The following NECAB3 variants were observed in gnomAD, a reference collection of about 807,000 sequenced individuals.
NECAB3 encodes the protein N-terminal EF-hand calcium-binding protein 3.
Under a neutral mutation model 57.2 loss-of-function variants are expected in NECAB3, and 38 were observed. The observed-to-expected ratio is 0.66, with a 90% CI of 0.51 to 0.87. The LOEUF is 0.87. Among genes scored for constraint, NECAB3 ranks in the 40% least tolerant of loss-of-function variants. The probability of loss-of-function intolerance (pLI) is 0.00; values close to 1 mark genes in which losing one functional copy is unlikely to be tolerated. For synonymous variants in NECAB3, 223 were observed against 222.6 expected, an observed-to-expected ratio of 1.00 and a Z score of -0.02; for missense variants, 474 against 527.5, an observed-to-expected ratio of 0.90 and a Z score of 0.99.
intron 5 of NECAB3, chr20:33,669,065 C>A (rs536071531): frequency 2.2e-4 from 79 of 353,896 alleles, no homozygotes; most frequent in Non-Finnish European, 1.8e-4. Flanking sequence ...ACAGCAGCCC[C>A]TAGTATGAAG....
intron 1 of NECAB3, among the ~76,000 whole-genome samples, chr20:33,673,559 G>A (rs929042023): frequency 1.3e-5 from 2 of 152,046 alleles, no homozygotes; most frequent in African/African-American, 2.4e-5. Flanking sequence ...TCCTACTTGG[G>A]AAGAAGGAGG....
rs1177048076 is a variant in NECAB3, at chr20:33,660,276, G to C, written c.507C>G (p.Ala169=). 1.9e-6 allele frequency: 3 copies of C among 1,613,084 alleles called. No individual in the cohort carries two copies. In the Admixed American group the frequency reaches 5.0e-5, roughly 27 times the overall value. Residue 169 remains alanine, a synonymous_variant, in exon 6 of 12, where the codon GCC becomes GCG. Coordinates refer to ENST00000246190, the MANE Select transcript of NECAB3 (RefSeq NM_031232.4). The surrounding 1 kb of genome is among the most constrained non-coding windows in gnomAD (Gnocchi z 4.1). The part of the protein sequence containing the change: ...SLEGASDTLE[A]QAHGWRSDAE... ...TTACATACCGCCAGCCATGGGCCTG[G>C]GCCTCCAGGGTATCTGACGCCCCCT...
intron 5 of NECAB3, chr20:33,664,039 G>A (rs2017581295): frequency 1.7e-6 from 1 of 573,916 alleles, no homozygotes; most frequent in Non-Finnish European, 2.8e-6. Flanking sequence ...CTGGAGCCAG[G>A]GCTGTCTTTT....
In NECAB3 at chr20:33,657,969, C is replaced by A; in HGVS notation, c.1135G>T (p.Asp379Tyr). Reference sequence around the variant, plus strand: ...GGGAAGAACACAGTGGTGAGGGTGTCCGGGGCCCGCAGGTGGTCGATGAGG... The same window carrying A: ...GGGAAGAACACAGTGGTGAGGGTGTACGGGGCCCGCAGGTGGTCGATGAGG... ...RILIDHLRAP[D>Y]TLTTVFFPAS... Residue 379 changes from aspartate to tyrosine, a missense_variant, in exon 11 of 12, where the codon GAC (aspartate) becomes TAC (tyrosine). By Grantham distance (160) the Asp-to-Tyr change is radical (BLOSUM62 -3). Coordinates refer to ENST00000246190, the MANE Select transcript of NECAB3 (RefSeq NM_031232.4). The A allele has an allele frequency of 6.4e-7, 1 of 1,557,458 alleles. No homozygotes were observed.
At chr20:33,667,900 C>A in intron 5 of NECAB3, 1 of 1,579,416 alleles carries the variant, frequency 6.3e-7, no homozygotes, top group African/African-American at 1.3e-5. Context: ...CCTGCTGGGC[C>A]AGGCTGAGCA....
Position 33,657,597 on chromosome 20 carries a change from A to G in NECAB3, c.*232T>C. 2.1e-6 allele frequency: 1 copy of G among 475,324 alleles called. No individual in the cohort carries two copies. 29.4% of individuals were successfully genotyped at this position (475,324 alleles called of 1,614,324 possible). ...ATCCAGGTCTCCTGAGCCAGGCAGA[A>G]GCCAAAGTAGCTTGGAGGCTGAAGT... On this transcript the variant is annotated 3_prime_UTR_variant, in exon 12 of 12. Coordinates refer to ENST00000246190, the MANE Select transcript of NECAB3 (RefSeq NM_031232.4).
At chr20:33,663,265 G>T (rs762174279) in intron 5 of NECAB3, 1 of 539,282 alleles carries the variant, frequency 1.9e-6, no homozygotes, top group Non-Finnish European at 3.3e-6. Context: ...AACTTAGACG[G>T]AGCTGGTCTC....
Position 33,659,748 on chromosome 20 carries a change from G to A in NECAB3, c.644-16C>T, listed in dbSNP as rs754062780. 5.8e-5 allele frequency: 92 copies of A among 1,573,278 alleles called. No homozygotes were observed. The South Asian group carries it at 6.4e-4, about 11-fold the overall frequency. On this transcript the variant is annotated splice_polypyrimidine_tract_variant and intron_variant, in intron 7 of 11. Transcript: ENST00000246190. ...GAGCTGCGCCCTGTGTGTGGGGCCC[G>A]TGCAGGGTCAGGCAGGGGCCTCTCA...
chr20:33,663,748 G>A, intron 5 of NECAB3: 2 of 1,493,884 alleles, frequency 1.3e-6, no homozygotes, highest in Non-Finnish European at 1.8e-6. Context: ...GGCCAGGGCA[G>A]CTCTGAGCTG....
At chr20:33,663,571 C>A (rs1196271932) in intron 5 of NECAB3, 5 of 1,611,262 alleles carry the variant, frequency 3.1e-6, no homozygotes, top group Non-Finnish European at 4.2e-6. Context: ...CAAGCGGCAG[C>A]CGCTGGCCAA....
At chr20:33,666,094 T>TA (rs1362309044) in intron 5 of NECAB3, among the ~76,000 whole-genome samples, 2 of 150,762 alleles carry the variant, frequency 1.3e-5, no homozygotes, top group African/African-American at 2.4e-5. Context: ...ATAATAATAA[T>TA]AAAAAAAAGA....
Position 33,660,600 on chromosome 20 carries a change from A to G in NECAB3, c.388-205T>C, listed in dbSNP as rs923233391. ...GTCCGGGACTGGCCTCCCTCCCCGG[A>G]GGTGTGAGGCCAACTCACAGGGGGC... On this transcript the variant is annotated intron_variant, in intron 5 of 11. Coordinates refer to ENST00000246190, the MANE Select transcript of NECAB3 (RefSeq NM_031232.4). This position sits in a 1 kb window ranked among gnomAD's most constrained non-coding sequence, Gnocchi z 4.1. 7.2e-5 allele frequency among the ~76,000 whole-genome samples: 11 copies of G among 152,042 alleles called. 1 individual carries two copies. Among genetic ancestry groups the G allele is most frequent in the Non-Finnish European group, 1.6e-4 (11 of 67,990 alleles).
chr20:33,663,516 C>T, intron 5 of NECAB3: 1 of 1,605,766 alleles, frequency 6.2e-7, no homozygotes, highest in South Asian at 1.1e-5. Flanking sequence ...GCCTCACGCC[C>T]CTGTTCCACC....
Position 33,659,968 on chromosome 20 carries a change from A to G in NECAB3, c.560T>C (p.Leu187Pro), listed in dbSNP as rs1474861721. The G allele has an allele frequency of 1.3e-6, 2 of 1,563,908 alleles. No homozygotes were observed. Among genetic ancestry groups the G allele is most frequent in the African/African-American group, 1.3e-5 (1 of 74,164 alleles). The change falls in exon 7 of 12, where the codon CTC becomes CCC. Residue 187 changes from leucine (L) to proline (P), a missense_variant. Transcript: ENST00000246190. ...DAESVEAQSR[L>P]CGSRRAGRRA... ...GCGTCCTGCCCGCCGGCTGCCGCAG[A>G]GCCTGCTCTGCGCCTCCACGCTCTC...
intron 5 of NECAB3, chr20:33,666,747 G>C (rs1175739960): frequency 6.6e-6 from 1 of 152,396 alleles, no homozygotes; most frequent in Non-Finnish European, 1.5e-5. Context: ...CGGCGCCAGA[G>C]GGAGACCAAG....
chr20:33,669,603 CAGG>C (rs2017783335), intron 4 of NECAB3, 81 bp downstream of exon 4: 3 of 1,541,010 alleles, frequency 1.9e-6, no homozygotes, highest in Non-Finnish European at 2.6e-6. Flanking sequence ...CCTGTCCCAT[CAGG>C]AGACCAGCAA....
Position 33,672,413 on chromosome 20 carries a change from T to C in NECAB3, c.139A>G (p.Arg47Gly). The C allele has an allele frequency of 6.2e-7, 1 of 1,614,192 alleles. No individual in the cohort carries two copies. Among genetic ancestry groups the C allele is most frequent in the Non-Finnish European group, 8.5e-7 (1 of 1,180,018 alleles). The change falls in exon 2 of 12, where the codon AGA becomes GGA. Residue 47 changes from arginine (R) to glycine (G), a missense_variant. By Grantham distance (125) the Arg-to-Gly change is moderately radical. Transcript: ENST00000246190. ...CCACACTCACCATTCTTGTCTGCTC[T>C]GCGGAAAACCTAGAGGACAAAGGGA... is the stretch of plus-strand genomic sequence containing the variant. ...GHTLFQDVFR[R>G]ADKNDDGKLS...
At chr20:33,661,053 C>T (rs1231089311) in intron 5 of NECAB3, among the ~76,000 whole-genome samples, 1 of 152,216 alleles carries the variant, frequency 6.6e-6, no homozygotes, top group Non-Finnish European at 1.5e-5. Context: ...GGCTCCTCAA[C>T]AACCGTCAGT....
rs2017366035 is a variant in NECAB3 at position 33,658,825 on chromosome 20, T to C, written c.889A>G (p.Met297Val). Residue 297 changes from methionine (M) to valine (V), a missense_variant, in exon 9 of 12, where the codon ATG becomes GTG. By Grantham distance (21) the Met-to-Val change is conservative. Transcript: ENST00000246190. ...GCCACCTGGACCTGCCTCTGGGCCA[T>C]GAGGATGTGCTGGTGGGAGAGGCAG... ...LAKGPDLHIL[M>V]AQRQVQVAEE... is the part of the protein sequence containing the mutation. The C allele has an allele frequency of 6.2e-7, 1 of 1,612,188 alleles. No homozygotes were observed. The highest frequency in any genetic ancestry group is 1.7e-5 in the Admixed American group (1 of 59,948).
Sources: gnomAD v4.1 joint callset for allele counts (sites outside exome capture counted in the v4.1 genomes callset) on GRCh38, gnomAD v4.1.1 for gene constraint, Gnocchi (gnomAD v3.1) non-coding constraint, MANE v1.5 for transcripts, NCBI Gene and HGNC (gene_info 2026-07-23, HGNC 2026-07-21) for gene names.